BLNK: variants seen among roughly 807,000 people sequenced by gnomAD.
BLNK encodes the protein B cell linker, also known as B-cell linker protein.
BLNK carries 29 observed loss-of-function variants against 73.5 expected under a neutral mutation model. The ratio of observed to expected loss-of-function variants is 0.39; its 90% confidence interval spans 0.29 to 0.54. The LOEUF is 0.54. Ranked by LOEUF, BLNK falls within the 20% of genes least tolerant of loss-of-function variation. The pLI, the probability that BLNK is intolerant of heterozygous loss-of-function variation, is 0.61. For synonymous variants in BLNK, 176 were observed against 200.8 expected (o/e 0.88, Z 1.04); for missense variants, 460 against 562.8 (o/e 0.82, Z 1.85).
chr10:96,200,193 G>A lies in BLNK; in HGVS notation c.1012-35C>T. On this transcript the variant is annotated intron_variant, in intron 14 of 16. Transcript: ENST00000224337. The surrounding 1 kb of genome is among the most constrained non-coding windows in gnomAD (Gnocchi z 4.3). ...GGAGGGCACTGGTCAGCATGGGATG[G>A]TCCCTACTTAACTCTAATTTCTGTG... 6.3e-7 allele frequency: 1 copy of A among 1,577,902 alleles called. No homozygotes were observed. The highest frequency in any genetic ancestry group is 8.7e-7 in the Non-Finnish European group (1 of 1,147,592).
At chr10:96,227,641 T>G in intron 4 of BLNK, 75 bp from the exon 5 acceptor site, 3 of 1,604,702 alleles carry the variant, frequency 1.9e-6, no homozygotes, top group Non-Finnish European at 1.7e-6. Flanking sequence ...ATTCCTGCCT[T>G]GGGAGGCCAG....
chr10:96,250,110 A>T (rs574090893), intron 1 of BLNK, among the ~76,000 whole-genome samples: 1 of 152,254 alleles, frequency 6.6e-6, no homozygotes, highest in South Asian at 2.1e-4. Context: ...CTCCCTAGCT[A>T]GGGAGGCCGG....
chr10:96,231,040 T>G (rs587708022), intron 3 of BLNK, among the ~76,000 whole-genome samples: 5 of 152,358 alleles, frequency 3.3e-5, no homozygotes, highest in Non-Finnish European at 7.3e-5. Flanking sequence ...TAGAGAGAAG[T>G]CCCACTGGGC....
At chr10:96,207,937 A>C (rs1554897827) in intron 9 of BLNK, 38 bp from the exon 10 acceptor site, 17 of 1,605,764 alleles carry the variant, frequency 1.1e-5, no homozygotes, top group Non-Finnish European at 1.4e-5. Context: ...TTAAAACACA[A>C]CGAAGACAAA....
intron 5 of BLNK, 125 bp from the exon 6 acceptor site, chr10:96,224,114 G>T (rs1298621463): frequency 8.9e-7 from 1 of 1,119,802 alleles, no homozygotes; most frequent in Non-Finnish European, 1.3e-6. Flanking sequence ...GATCCACGGG[G>T]CATTCCTTGA....
chr10:96,222,603 AG>A (rs2084223677), intron 6 of BLNK, among the ~76,000 whole-genome samples: 1 of 152,198 alleles, frequency 6.6e-6, no homozygotes, highest in South Asian at 2.1e-4. Flanking sequence ...CCATCTGAAA[AG>A]GTGGGTCTCT....
intron 16 of BLNK, among the ~76,000 whole-genome samples, chr10:96,194,768 A>ATTTTT (rs71034364): frequency 0.24 from 25,817 of 109,756 alleles, 4,312 homozygotes; most frequent in Non-Finnish European, 0.32. Flanking sequence ...AGAAATGCAA[A>ATTTTT]TTTTTTTTTT....
rs532471320 is a variant in BLNK, at chr10:96,271,193, C to A, written c.47+159G>T. Among the ~76,000 whole-genome samples the A allele has an allele frequency of 7.2e-5, 11 of 152,280 alleles. No homozygotes were observed. In the East Asian group the frequency reaches 2.1e-3, roughly 29 times the overall value. ...TCACTTCCCTATAGCAAGTGCCACC[C>A]AATGCTTTCCCTAAAAGCTCAGTCC... is the stretch of plus-strand genomic sequence containing the variant. On this transcript the variant is annotated intron_variant, in intron 1 of 16. Coordinates refer to ENST00000224337, the MANE Select transcript of BLNK (RefSeq NM_013314.4).
At position 96,200,806 on chromosome 10, in the gene BLNK, TG is replaced by T. The variant is rs587657478; in HGVS notation, c.1011+175del. Among the ~76,000 whole-genome samples, 113 of 152,282 alleles carry T rather than the reference TG, an allele frequency of 7.4e-4. No individual in the cohort carries two copies. In the South Asian group the frequency reaches 0.021, roughly 28 times the overall value. ...TTAACTGGAGCAATGTCTTAGTCAT[TG>T]AAAAAAAACAACAACTGGGTATTCT... On this transcript the variant is annotated intron_variant, in intron 14 of 16. Coordinates refer to ENST00000224337, the MANE Select transcript of BLNK (RefSeq NM_013314.4). This position sits in a 1 kb window ranked among gnomAD's most constrained non-coding sequence, Gnocchi z 4.3.
At chr10:96,207,610 C>G (rs2083851497) in intron 10 of BLNK, among the ~76,000 whole-genome samples, 1 of 152,176 alleles carries the variant, frequency 6.6e-6, no homozygotes. Flanking sequence ...GGCAGGGAAC[C>G]TGGCTGCCCC....
chr10:96,201,981 G>A (rs1240684440), intron 13 of BLNK, among the ~76,000 whole-genome samples: 5 of 152,198 alleles, frequency 3.3e-5, no homozygotes, highest in African/African-American at 7.2e-5. Flanking sequence ...AGATCTGCAG[G>A]TGGAGAGGGA....
At position 96,271,333 on chromosome 10, in the gene BLNK, TG is replaced by T; in HGVS notation, c.47+18del. Reference sequence around the variant, plus strand: ...AAAAAAAGGAGATGAAGAAGGGTATTGGGTGGGGAAAATCTTACCTCAACTT... The same window carrying T: ...AAAAAAAGGAGATGAAGAAGGGTATTGGTGGGGAAAATCTTACCTCAACTT... On this transcript the variant is annotated intron_variant, in intron 1 of 16. Coordinates refer to ENST00000224337, the MANE Select transcript of BLNK (RefSeq NM_013314.4). 1.2e-6 allele frequency: 2 copies of T among 1,613,204 alleles called. No homozygotes were observed. Among genetic ancestry groups the T allele is most frequent in the South Asian group, 1.1e-5 (1 of 91,054 alleles).
intron 1 of BLNK, among the ~76,000 whole-genome samples, chr10:96,251,269 C>A (rs189931478): frequency 1.1e-4 from 16 of 152,326 alleles, no homozygotes; most frequent in African/African-American, 3.6e-4. Flanking sequence ...CTCATTATGT[C>A]AACTGTCCAC....
Position 96,213,995 on chromosome 10 carries a change from AC to A in BLNK, c.676+1325del, listed in dbSNP as rs782774753. Among the ~76,000 whole-genome samples, 3 of 152,352 alleles carry A rather than the reference AC, an allele frequency of 2.0e-5. No individual in the cohort carries two copies. The South Asian group carries it at 6.2e-4, about 32-fold the overall frequency. On this transcript the variant is annotated intron_variant, in intron 8 of 16. Coordinates refer to ENST00000224337, the MANE Select transcript of BLNK (RefSeq NM_013314.4). ...ACTTGTGAAGAAAGTGAATAATTTC[AC>A]AAGAAATGAGTCCAGGAAAAGATTT...
At chr10:96,255,660 T>A (rs782600782) in intron 1 of BLNK, among the ~76,000 whole-genome samples, 1 of 152,192 alleles carries the variant, frequency 6.6e-6, no homozygotes, top group Non-Finnish European at 1.5e-5. Flanking sequence ...ATCCCCCGCA[T>A]CTTAACCTCA....
At chr10:96,214,468 C>A (rs2084018478) in intron 8 of BLNK, among the ~76,000 whole-genome samples, 1 of 152,112 alleles carries the variant, frequency 6.6e-6, no homozygotes, top group Non-Finnish European at 1.5e-5. Context: ...AGGGGTATGG[C>A]TGCTGGACAA....
intron 8 of BLNK, among the ~76,000 whole-genome samples, chr10:96,210,914 G>A (rs1250037222): frequency 6.9e-6 from 1 of 145,264 alleles, no homozygotes; most frequent in Non-Finnish European, 1.5e-5. Context: ...TGTCACCCAG[G>A]CTGGAGTGCA....
At position 96,216,727 on chromosome 10, in the gene BLNK, T is replaced by A; in HGVS notation, c.533A>T (p.Tyr178Phe). 1 of 1,613,900 alleles carries A rather than the reference T, an allele frequency of 6.2e-7. No homozygotes were observed. Among genetic ancestry groups the A allele is most frequent in the Non-Finnish European group, 8.5e-7 (1 of 1,179,792 alleles). Reference protein sequence around the residue: ...PKGLLEDEADYVVPVEDNDEN... With the variant: ...PKGLLEDEADFVVPVEDNDEN... ...ATCATTATCTTCCACGGGGACCACA[T>A]AATCAGCCTAACAGAAATACAAAAC... is the stretch of plus-strand genomic sequence containing the variant. Residue 178 changes from tyrosine (Y) to phenylalanine (F), a missense_variant, in exon 7 of 17, where the codon TAT (tyrosine) becomes TTT (phenylalanine). Physicochemically the swap from Tyr to Phe is conservative, Grantham distance 22 (BLOSUM62 3). Transcript: ENST00000224337.
chr10:96,237,355 T>A (rs1468999879), intron 3 of BLNK, among the ~76,000 whole-genome samples: 1 of 2,354 alleles, frequency 4.2e-4, no homozygotes. Context: ...GGATTTTTAT[T>A]TTTTTCCATG....
Sources: gnomAD v4.1 joint callset for allele counts (sites outside exome capture counted in the v4.1 genomes callset) on GRCh38, gnomAD v4.1.1 for gene constraint, Gnocchi (gnomAD v3.1) non-coding constraint, MANE v1.5 for transcripts, NCBI Gene and HGNC (gene_info 2026-07-23, HGNC 2026-07-21) for gene names.